VWC2L: variants seen among roughly 807,000 people sequenced by gnomAD.
The protein encoded by VWC2L is von Willebrand factor C domain containing 2 like.
In VWC2L, 10 loss-of-function variants were observed where a neutral mutation model predicts 21.6. The observed-to-expected ratio is 0.46, with a 90% CI of 0.29 to 0.78. VWC2L has a LOEUF of 0.78. Among genes scored for constraint, VWC2L ranks in the 30% least tolerant of loss-of-function variants. VWC2L has a pLI of 0.10. For synonymous variants in VWC2L, 96 were observed against 94.3 expected (o/e 1.02, Z -0.10); for missense variants, 209 against 277.1 (o/e 0.75, Z 1.74).
intron 3 of VWC2L, among the ~76,000 whole-genome samples, chr2:214,528,724 C>T (rs1199867033): frequency 6.6e-6 from 1 of 152,032 alleles, no homozygotes; most frequent in Non-Finnish European, 1.5e-5. Context: ...AACAACAAAA[C>T]ATATCAAAGT....
At chr2:214,436,903 A>G in intron 3 of VWC2L, 145 bp downstream of exon 3, 1 of 997,340 alleles carries the variant, frequency 1.0e-6, no homozygotes. Context: ...TTTTTATCCC[A>G]TCTTAAAGTG....
At chr2:214,554,384 G>T (rs1016397187) in intron 3 of VWC2L, among the ~76,000 whole-genome samples, 25 of 152,146 alleles carry the variant, frequency 1.6e-4, no homozygotes, top group Non-Finnish European at 2.9e-4. Flanking sequence ...CAGGTGTTTT[G>T]GGGGGCCAGA....
chr2:214,509,969 C>T lies in VWC2L; in HGVS notation c.521-65703C>T, dbSNP rs372440957. On this transcript the variant is annotated intron_variant, in intron 3 of 3. Coordinates refer to ENST00000312504, the MANE Select transcript of VWC2L (RefSeq NM_001080500.4). ...ATGTTTTTGCAAGTAAAGTTATTGG[C>T]TAAATATACTTTATCATTTATATAA... 3.7e-4 allele frequency among the ~76,000 whole-genome samples: 56 copies of T among 152,234 alleles called. 1 individual carries two copies. In the South Asian group the frequency reaches 0.011, roughly 31 times the overall value.
intron 2 of VWC2L, among the ~76,000 whole-genome samples, chr2:214,424,989 C>T (rs1702500541): frequency 1.3e-5 from 2 of 152,170 alleles, no homozygotes; most frequent in South Asian, 2.1e-4. Flanking sequence ...ACACACTATG[C>T]TCCATGAGCC....
At chr2:214,498,685 TA>T (rs1688845511) in intron 3 of VWC2L, among the ~76,000 whole-genome samples, 1 of 39,550 alleles carries the variant, frequency 2.5e-5, no homozygotes, top group Non-Finnish European at 8.2e-5. Flanking sequence ...TATATGGGTG[TA>T]TATATTATAC....
At chr2:214,504,748 A>T (rs1189744647) in intron 3 of VWC2L, among the ~76,000 whole-genome samples, 3 of 150,454 alleles carry the variant, frequency 2.0e-5, no homozygotes, top group Non-Finnish European at 3.0e-5. Context: ...AGTACTTCAT[A>T]ACGTTCATTA....
At chr2:214,557,119 A>T (rs1187243287) in intron 3 of VWC2L, among the ~76,000 whole-genome samples, 2 of 152,138 alleles carry the variant, frequency 1.3e-5, no homozygotes, top group African/African-American at 2.4e-5. Flanking sequence ...ATGCTGTATT[A>T]GTTCGTTTAC....
chr2:214,428,491 G>C (rs1702556876), intron 2 of VWC2L, among the ~76,000 whole-genome samples: 1 of 152,088 alleles, frequency 6.6e-6, no homozygotes, highest in Admixed American at 6.5e-5. Context: ...ATACACTAAA[G>C]TAGAGAGGTT....
intron 3 of VWC2L, among the ~76,000 whole-genome samples, chr2:214,475,909 A>G (rs1490395887): frequency 1.3e-5 from 2 of 152,222 alleles, no homozygotes; most frequent in Non-Finnish European, 2.9e-5. Context: ...GTCAAAGCCA[A>G]AAGTTGAATG....
At chr2:214,484,282 T>C (rs963657773) in intron 3 of VWC2L, among the ~76,000 whole-genome samples, 7 of 152,166 alleles carry the variant, frequency 4.6e-5, no homozygotes, top group Non-Finnish European at 1.0e-4. Context: ...CAAGATTCAG[T>C]ACAGTACAAG....
In VWC2L at chr2:214,577,920, G is replaced by GC. The variant is rs1407798940; in HGVS notation, c.*2101dup. ...CCACCTTCCCTTAGAACACCAATTT[G>GC]CAGCAAGGTTGGTGCCTTTCATTTG... On this transcript the variant is annotated 3_prime_UTR_variant, in exon 4 of 4. Coordinates refer to ENST00000312504, the MANE Select transcript of VWC2L (RefSeq NM_001080500.4). The GC allele has an allele frequency of 6.6e-6, 1 of 152,134 alleles. No homozygotes were observed. Among genetic ancestry groups the GC allele is most frequent in the Admixed American group, 6.6e-5 (1 of 15,244 alleles). 9.4% of individuals were successfully genotyped at this position (152,134 alleles called of 1,614,324 possible).
chr2:214,454,593 A>AATTT (rs1703025674), intron 3 of VWC2L, among the ~76,000 whole-genome samples: 1 of 59,768 alleles, frequency 1.7e-5, no homozygotes, highest in African/African-American at 6.7e-5. Context: ...ACATTGATTG[A>AATTT]TTTTCTTTTT....
chr2:214,509,734 T>A (rs1456577257), intron 3 of VWC2L, among the ~76,000 whole-genome samples: 1 of 152,228 alleles, frequency 6.6e-6, no homozygotes, highest in African/African-American at 2.4e-5. Context: ...ATTCCAGCAA[T>A]AACTTTCTCT....
At chr2:214,452,702 T>C (rs980701838) in intron 3 of VWC2L, among the ~76,000 whole-genome samples, 3 of 152,132 alleles carry the variant, frequency 2.0e-5, no homozygotes, top group African/African-American at 2.4e-5. Context: ...CAAATTCCCA[T>C]AAAAAATGGG....
At chr2:214,479,437 A>T (rs540319270) in intron 3 of VWC2L, among the ~76,000 whole-genome samples, 2 of 152,276 alleles carry the variant, frequency 1.3e-5, no homozygotes, top group African/African-American at 2.4e-5. Context: ...TGTACCCATC[A>T]AAAAGAAGCA....
At chr2:214,502,047 T>C (rs536544492) in intron 3 of VWC2L, among the ~76,000 whole-genome samples, 109 of 152,346 alleles carry the variant, frequency 7.2e-4, no homozygotes, top group African/African-American at 2.5e-3. Context: ...ATAAATGTCA[T>C]TGTTTTCTAT....
intron 3 of VWC2L, among the ~76,000 whole-genome samples, chr2:214,443,071 C>T (rs959768540): frequency 1.1e-4 from 16 of 152,020 alleles, no homozygotes; most frequent in African/African-American, 3.9e-4. Flanking sequence ...TTAATCTCAC[C>T]TGAGTTTTTG....
At chr2:214,424,214 T>C (rs1702488647) in intron 2 of VWC2L, among the ~76,000 whole-genome samples, 1 of 152,162 alleles carries the variant, frequency 6.6e-6, no homozygotes, top group African/African-American at 2.4e-5. Context: ...CTTTTCTAGA[T>C]TGTTTTCTAA....
At chr2:214,532,174 G>T (rs545620272) in intron 3 of VWC2L, among the ~76,000 whole-genome samples, 1 of 152,030 alleles carries the variant, frequency 6.6e-6, no homozygotes, top group Non-Finnish European at 1.5e-5. Context: ...TGATCACATA[G>T]GAAATGCCTA....
Sources: allele counts gnomAD v4.1 joint callset (sites outside exome capture counted in the v4.1 genomes callset), GRCh38; gene constraint gnomAD v4.1.1; transcripts MANE v1.5; gene names NCBI Gene and HGNC (gene_info 2026-07-23, HGNC 2026-07-21).